The following PHIP variants were observed in gnomAD, a reference collection of about 807,000 sequenced individuals.
The protein encoded by PHIP is PHIP subunit of CUL4-Ring ligase complex, also known as PH-interacting protein.
PHIP carries 54 observed loss-of-function variants against 236.8 expected under a neutral mutation model. The ratio of observed to expected loss-of-function variants is 0.23; its 90% CI spans 0.18 to 0.29. PHIP has a LOEUF of 0.29. Among genes scored for constraint, PHIP ranks in the 10% least tolerant of loss-of-function variants. The probability of loss-of-function intolerance (pLI) is 1.00; values close to 1 mark genes in which losing one functional copy is unlikely to be tolerated. For missense variants in PHIP, 1,370 were observed against 2,190.8 expected (o/e 0.63, Z 7.48); for synonymous variants, 756 against 718.9 (o/e 1.05, Z -0.83).
chr6:78,938,704 AAT>A lies in PHIP; in HGVS notation c.*1987_*1988del, dbSNP rs1773361369. 3 of 151,718 alleles carry A rather than the reference AAT, an allele frequency of 2.0e-5. No homozygotes were observed. The highest frequency in any genetic ancestry group is 6.6e-5 in the Admixed American group (1 of 15,238). The allele number at this position is 151,718 out of a possible 1,614,324, so 9.4% of individuals were successfully genotyped here. On this transcript the variant is annotated 3_prime_UTR_variant, in exon 40 of 40. Transcript: ENST00000275034. Reference sequence around the variant, plus strand: ...TAAATATATTTGTTAGAAAAAAATAAATATACAAAAAACCTGAAAAATTTGAA... The same window carrying A: ...TAAATATATTTGTTAGAAAAAAATAAATACAAAAAACCTGAAAAATTTGAA...
intron 19 of PHIP, among the ~76,000 whole-genome samples, chr6:78,992,076 C>T (rs1380528917): frequency 1.3e-5 from 2 of 151,380 alleles, no homozygotes; most frequent in African/African-American, 4.9e-5. Flanking sequence ...CATTCTCCTG[C>T]CTCAGCCTCC....
chr6:78,941,926 C>A (rs1042046309), intron 39 of PHIP, among the ~76,000 whole-genome samples: 1 of 151,978 alleles, frequency 6.6e-6, no homozygotes, highest in Non-Finnish European at 1.5e-5. Context: ...AAATTCTAAA[C>A]CTGAAGGATC....
At chr6:78,946,926 TG>T in intron 36 of PHIP, 52 bp from the exon 37 acceptor site, 1 of 1,137,296 alleles carries the variant, frequency 8.8e-7, no homozygotes, top group Non-Finnish European at 1.3e-6. Context: ...AAAATACCTT[TG>T]TTCAGTAAAT....
In PHIP at chr6:78,937,360, G is replaced by A. The variant is rs1773313153; in HGVS notation, c.*3333C>T. On this transcript the variant is annotated 3_prime_UTR_variant, in exon 40 of 40. Coordinates refer to ENST00000275034, the MANE Select transcript of PHIP (RefSeq NM_017934.7). ...AAATCATATCTGAAAACATGTAAAT[G>A]CTGCTAACATATAAGATAAAAATAT... is the stretch of plus-strand genomic sequence containing the variant. The A allele has an allele frequency of 6.6e-6, 1 of 151,652 alleles. No individual in the cohort carries two copies. The highest frequency in any genetic ancestry group is 2.4e-5 in the African/African-American group (1 of 41,380). The allele number at this position is 151,652 out of a possible 1,614,324, so 9.4% of individuals were successfully genotyped here.
intron 2 of PHIP, 46 bp downstream of exon 2, chr6:79,077,809 C>G: frequency 3.5e-6 from 4 of 1,137,574 alleles, no homozygotes; most frequent in South Asian, 3.1e-5. Context: ...CCCCCACGCC[C>G]GCGAGCGGCG....
chr6:79,006,360 A>G (rs953167379), intron 15 of PHIP, among the ~76,000 whole-genome samples: 4 of 152,024 alleles, frequency 2.6e-5, no homozygotes, highest in African/African-American at 9.7e-5. Context: ...CTTTCTCTAT[A>G]TTAACTAAAA....
intron 7 of PHIP, among the ~76,000 whole-genome samples, chr6:79,040,229 G>A (rs191251356): frequency 1.2e-4 from 18 of 152,056 alleles, no homozygotes; most frequent in African/African-American, 4.3e-4. Flanking sequence ...GAGAAAACTG[G>A]AGATTAAAGA....
rs551161527 is a variant in PHIP, at chr6:79,036,688, G to A, written c.600+6155C>T. Among the ~76,000 whole-genome samples, 5 of 152,068 alleles carry A rather than the reference G, an allele frequency of 3.3e-5. No homozygotes were observed. The South Asian group carries it at 1.0e-3, about 32-fold the overall frequency. On this transcript the variant is annotated intron_variant, in intron 7 of 39. Coordinates refer to ENST00000275034, the MANE Select transcript of PHIP (RefSeq NM_017934.7). Reference sequence around the variant, plus strand: ...CAGTAATCCCAGCACTTTGGAGGCCGAGGCGGGTAGATCATGAGGTCAGGA... The same window carrying A: ...CAGTAATCCCAGCACTTTGGAGGCCAAGGCGGGTAGATCATGAGGTCAGGA...
chr6:78,968,446 G>C (rs143639663), intron 27 of PHIP, among the ~76,000 whole-genome samples: 1 of 152,110 alleles, frequency 6.6e-6, no homozygotes, highest in Non-Finnish European at 1.5e-5. Flanking sequence ...AGTATTAGTG[G>C]GATGTGAAAT....
In PHIP at chr6:78,935,224, T is replaced by A. The variant is rs1254653872; in HGVS notation, c.*5469A>T. The stretch of plus-strand genomic sequence containing the variant: ...CAGGAATTTTTTTTACCTTCCTTCC[T>A]CAACTTAGAAATTTATTATATACAA... On this transcript the variant is annotated 3_prime_UTR_variant, in exon 40 of 40. Coordinates refer to ENST00000275034, the MANE Select transcript of PHIP (RefSeq NM_017934.7). Among the ~76,000 whole-genome samples the A allele has an allele frequency of 6.6e-6, 1 of 152,152 alleles. No homozygotes were observed. The highest frequency in any genetic ancestry group is 2.4e-5 in the African/African-American group (1 of 41,452).
chr6:78,946,474 C>CCAT lies in PHIP; in HGVS notation c.4371-217_4371-215dup, dbSNP rs1269157509. ...AAGTTATATGACGGAAAGCATGATG[C>CCAT]CATCACTATCCTAAAAATGCTGTTT... On this transcript the variant is annotated intron_variant, in intron 37 of 39. Coordinates refer to ENST00000275034, the MANE Select transcript of PHIP (RefSeq NM_017934.7). 6 of 1,395,348 alleles carry CCAT rather than the reference C, an allele frequency of 4.3e-6. No individual in the cohort carries two copies. In the Admixed American group the frequency reaches 1.3e-4, roughly 31 times the overall value. The allele number at this position is 1,395,348 out of a possible 1,614,324, so 86.4% of individuals were successfully genotyped here.
intron 4 of PHIP, among the ~76,000 whole-genome samples, chr6:79,066,322 T>C (rs1389736036): frequency 1.3e-5 from 2 of 152,186 alleles, no homozygotes; most frequent in African/African-American, 4.8e-5. Flanking sequence ...TGGTAAGTTT[T>C]ACATGGAACT....
chr6:79,022,587 C>T (rs930143484), intron 9 of PHIP, among the ~76,000 whole-genome samples: 1 of 152,142 alleles, frequency 6.6e-6, no homozygotes, highest in Admixed American at 6.5e-5. Flanking sequence ...ACTAGCTTGG[C>T]AGACTAAGCG....
intron 24 of PHIP, among the ~76,000 whole-genome samples, chr6:78,973,735 G>A (rs1302789519): frequency 6.6e-6 from 1 of 151,868 alleles, no homozygotes; most frequent in African/African-American, 2.4e-5. Flanking sequence ...ATCCTAGTCT[G>A]ATAAAACAGA....
intron 4 of PHIP, among the ~76,000 whole-genome samples, chr6:79,071,308 A>G (rs1773872354): frequency 6.6e-6 from 1 of 152,132 alleles, no homozygotes; most frequent in Non-Finnish European, 1.5e-5. Context: ...ATCAAATTCC[A>G]TCAAGAAAAA....
At chr6:79,029,905 G>A (rs9448610) in intron 7 of PHIP, among the ~76,000 whole-genome samples, 74,928 of 151,948 alleles carry the variant, frequency 0.49, 19,075 homozygotes, top group East Asian at 0.69. Flanking sequence ...TAATTTGAAC[G>A]GATACACTCT....
In PHIP at chr6:78,954,814, TG is replaced by T; in HGVS notation, c.4052del (p.Pro1351GlnfsTer20). On this transcript the variant is annotated frameshift_variant and splice_region_variant, in exon 35 of 40. Transcript: ENST00000275034. LOFTEE classifies it high-confidence loss of function. The part of the protein sequence containing the change: ...FRQPVDLLEY[P>X]DYRDIIDTPM... ...AGAAAATATTTTCAAAAATACTTAC[TG>T]GATATTCAAGGAGATCTACCGGCTG... 6.4e-7 allele frequency: 1 copy of T among 1,572,342 alleles called. No homozygotes were observed. The highest frequency in any genetic ancestry group is 2.0e-5 in the Admixed American group (1 of 50,632).
At chr6:78,964,732 C>A (rs1286623239) in intron 29 of PHIP, among the ~76,000 whole-genome samples, 1 of 152,142 alleles carries the variant, frequency 6.6e-6, no homozygotes, top group East Asian at 1.9e-4. Context: ...ACCTCGTGAT[C>A]CACCTGCCTC....
rs1562189638 is a variant in PHIP, at chr6:79,026,278, C to T, written c.601-114G>A. The T allele has an allele frequency of 5.2e-6, 4 of 774,298 alleles. No homozygotes were observed. In the Admixed American group the frequency reaches 6.8e-5, roughly 13 times the overall value. The allele number at this position is 774,298 out of a possible 1,614,324, so 48.0% of individuals were successfully genotyped here. ...TTCTGAACAAGTATATTTTTAAATA[C>T]CAAAAAGTGTTAAATACTTGTGTTA... is the stretch of plus-strand genomic sequence containing the variant. On this transcript the variant is annotated intron_variant, in intron 7 of 39. Transcript: ENST00000275034.
Sources: gnomAD v4.1 joint callset for allele counts (sites outside exome capture counted in the v4.1 genomes callset) on GRCh38, gnomAD v4.1.1 for gene constraint, MANE v1.5 for transcripts, NCBI Gene and HGNC (gene_info 2026-07-23, HGNC 2026-07-21) for gene names.